Variants in MALRD1 observed in about 807,000 individuals in gnomAD.
MALRD1 encodes MAM and LDL receptor class A domain containing 1.
A neutral mutation model predicts 242.1 loss-of-function variants in MALRD1; 247 were observed. That is an observed-to-expected ratio of 1.02 (90% CI 0.92 to 1.13). The LOEUF (loss-of-function observed/expected upper bound fraction) is 1.13. Among genes scored for constraint, MALRD1 ranks in the 50% most tolerant of loss-of-function variants. MALRD1 has a pLI of 0.00. For synonymous variants in MALRD1, 995 were observed against 866.6 expected (o/e 1.15, Z -2.60); for missense variants, 2,989 against 2,533.1 (o/e 1.18, Z -3.86).
intron 24 of MALRD1, among the ~76,000 whole-genome samples, chr10:19,346,947 G>A (rs1214258822): frequency 6.6e-6 from 1 of 152,060 alleles, no homozygotes; most frequent in Non-Finnish European, 1.5e-5. Context: ...ACCATGCCCA[G>A]CCTCCCTCAT....
intron 35 of MALRD1, among the ~76,000 whole-genome samples, chr10:19,614,548 AAC>A (rs952506220): frequency 2.0e-5 from 3 of 152,012 alleles, no homozygotes; most frequent in African/African-American, 7.2e-5. Flanking sequence ...CTTGGGTCTT[AAC>A]TGAATAGGGG....
At chr10:19,450,729 A>AT (rs1225415605) in intron 29 of MALRD1, among the ~76,000 whole-genome samples, 2 of 152,120 alleles carry the variant, frequency 1.3e-5, no homozygotes, top group South Asian at 2.1e-4. Context: ...AACAACAGAA[A>AT]TTTTTTTCCC....
At chr10:19,658,326 T>A (rs1391655570) in intron 36 of MALRD1, among the ~76,000 whole-genome samples, 1 of 152,182 alleles carries the variant, frequency 6.6e-6, no homozygotes. Flanking sequence ...ATGTTTGCCT[T>A]GGGTGATTCA....
intron 21 of MALRD1, among the ~76,000 whole-genome samples, chr10:19,318,712 C>T (rs947807242): frequency 3.3e-5 from 5 of 151,802 alleles, no homozygotes; most frequent in African/African-American, 1.2e-4. Context: ...AAACAGTGAT[C>T]AACTTTTTAT....
At chr10:19,715,142 G>A (rs188121223) in intron 38 of MALRD1, among the ~76,000 whole-genome samples, 43 of 151,798 alleles carry the variant, frequency 2.8e-4, no homozygotes, top group Admixed American at 2.5e-3. Flanking sequence ...AAATTGCTAC[G>A]AAATTTATTG....
intron 36 of MALRD1, among the ~76,000 whole-genome samples, chr10:19,640,966 A>G (rs1041420969): frequency 1.3e-5 from 2 of 152,236 alleles, no homozygotes; most frequent in African/African-American, 2.4e-5. Flanking sequence ...ATTGTTTTCT[A>G]CCCATATTAT....
intron 14 of MALRD1, among the ~76,000 whole-genome samples, chr10:19,181,738 A>G (rs1835513480): frequency 6.6e-6 from 1 of 152,072 alleles, no homozygotes; most frequent in East Asian, 1.9e-4. Flanking sequence ...GCCACAAAAA[A>G]AGAAAAAAAA....
rs188250392 is a variant in MALRD1, at chr10:19,280,643, T to G, written c.3256+420T>G. On this transcript the variant is annotated intron_variant, in intron 20 of 39. Coordinates refer to ENST00000454679, the MANE Select transcript of MALRD1 (RefSeq NM_001142308.3). The stretch of plus-strand genomic sequence containing the variant: ...AATGCACATACAACATTAGTACTAT[T>G]AAAATATGCAGAGTTCATGAGAAAA... Among the ~76,000 whole-genome samples, 6 of 152,346 alleles carry G rather than the reference T, an allele frequency of 3.9e-5. No homozygotes were observed. In the East Asian group the frequency reaches 7.7e-4, roughly 20 times the overall value.
Position 19,560,940 on chromosome 10 carries a change from C to A in MALRD1, c.5479-6562C>A, listed in dbSNP as rs11812854. On this transcript the variant is annotated intron_variant, in intron 32 of 39. Coordinates refer to ENST00000454679, the MANE Select transcript of MALRD1 (RefSeq NM_001142308.3). ...AACCTGCAGGTTCTGCACATGTATC[C>A]CAAAACTTAAAGTATAATAAAAAAA... Among the ~76,000 whole-genome samples, 364 of 151,722 alleles carry A rather than the reference C, an allele frequency of 2.4e-3. 1 individual carries two copies. Among genetic ancestry groups the A allele is most frequent in the African/African-American group, 8.6e-3 (357 of 41,318 alleles).
In MALRD1 at chr10:19,205,139, CTTCCT is replaced by C. The variant is rs1299563620; in HGVS notation, c.2453_2457del (p.Leu818ArgfsTer2). The C allele has an allele frequency of 1.3e-6, 2 of 1,550,848 alleles. No individual in the cohort carries two copies. The highest frequency in any genetic ancestry group is 1.7e-6 in the Non-Finnish European group (2 of 1,147,038). ...CCGATTTGAAAATTGTACTCTCCCTCTTCCTGCTGAGAGCTGTGAAGGGCTGGATC... is the reference window on the plus strand; with the variant it reads ...CCGATTTGAAAATTGTACTCTCCCTCGCTGAGAGCTGTGAAGGGCTGGATC... On this transcript the variant is annotated frameshift_variant, in exon 17 of 40. Coordinates refer to ENST00000454679, the MANE Select transcript of MALRD1 (RefSeq NM_001142308.3). LOFTEE classifies it high-confidence loss of function.
intron 29 of MALRD1, among the ~76,000 whole-genome samples, chr10:19,461,467 C>T (rs573249887): frequency 7.4e-4 from 112 of 152,130 alleles, no homozygotes; most frequent in Non-Finnish European, 1.4e-3. Context: ...CACTGTCAAA[C>T]GTAAAAGGAG....
chr10:19,214,046 C>T (rs750916299), intron 18 of MALRD1, among the ~76,000 whole-genome samples: 18 of 152,230 alleles, frequency 1.2e-4, no homozygotes, highest in Middle Eastern at 3.4e-3. Context: ...GTGTTCTTTC[C>T]CCAACCATAG....
At chr10:19,439,902 G>A (rs1834538725) in intron 28 of MALRD1, among the ~76,000 whole-genome samples, 1 of 151,944 alleles carries the variant, frequency 6.6e-6, no homozygotes, top group Admixed American at 6.6e-5. Context: ...CTATTACTTC[G>A]AGTGTGTCAA....
intron 21 of MALRD1, among the ~76,000 whole-genome samples, chr10:19,294,270 C>T (rs1196820794): frequency 1.3e-5 from 2 of 151,898 alleles, no homozygotes; most frequent in Non-Finnish European, 2.9e-5. Flanking sequence ...ATAATTGCCC[C>T]CAAAATTTGT....
intron 13 of MALRD1, among the ~76,000 whole-genome samples, chr10:19,173,988 T>C (rs1212167562): frequency 6.6e-6 from 1 of 152,172 alleles, no homozygotes; most frequent in Non-Finnish European, 1.5e-5. Context: ...ATAACAAATT[T>C]ATTAACATTT....
At chr10:19,489,053 G>A (rs72788548) in intron 29 of MALRD1, 87,543 of 457,770 alleles carry the variant, frequency 0.19, 8,986 homozygotes, top group Non-Finnish European at 0.23. Context: ...AGGGTGGAGG[G>A]GCGGCAGCGC....
intron 38 of MALRD1, among the ~76,000 whole-genome samples, chr10:19,699,203 TATA>T (rs149007944): frequency 5.1e-4 from 75 of 147,188 alleles, no homozygotes; most frequent in African/African-American, 1.1e-3. Context: ...GAACTTAAAG[TATA>T]ATAATAATAA....
intron 29 of MALRD1, among the ~76,000 whole-genome samples, chr10:19,485,418 C>G (rs1053295828): frequency 2.6e-5 from 4 of 152,026 alleles, no homozygotes; most frequent in African/African-American, 7.2e-5. Context: ...CCAAGGCAGG[C>G]AGATCACAAG....
At chr10:19,514,083 C>T (rs986876139) in intron 31 of MALRD1, among the ~76,000 whole-genome samples, 3 of 152,218 alleles carry the variant, frequency 2.0e-5, no homozygotes, top group Admixed American at 1.3e-4. Flanking sequence ...CTTTCAGGAA[C>T]CTAACAGAAT....
Sources: gnomAD v4.1 joint callset for allele counts (sites outside exome capture counted in the v4.1 genomes callset) on GRCh38, gnomAD v4.1.1 for gene constraint, MANE v1.5 for transcripts, NCBI Gene and HGNC (gene_info 2026-07-23, HGNC 2026-07-21) for gene names.